Variants in TBC1D16 observed in about 807,000 individuals in gnomAD.
The protein encoded by TBC1D16 is CTD-2529O21.1.
TBC1D16 carries 58 observed loss-of-function variants against 74.7 expected under a neutral mutation model. The ratio of observed to expected loss-of-function variants is 0.78; its 90% CI spans 0.63 to 0.97. The LOEUF is 0.97. Among genes scored for constraint, TBC1D16 ranks in the 50% least tolerant of loss-of-function variants. The pLI, the probability that TBC1D16 is intolerant of heterozygous loss-of-function variation, is 0.00. For synonymous variants in TBC1D16, 493 were observed against 474.7 expected (o/e 1.04, Z -0.50); for missense variants, 1,014 against 1,079.5 (o/e 0.94, Z 0.85).
At chr17:79,951,058 A>T (rs965981915) in intron 5 of TBC1D16, among the ~76,000 whole-genome samples, 1 of 152,242 alleles carries the variant, frequency 6.6e-6, no homozygotes. Context: ...GGGGAAAAAA[A>T]GCCATGCTAC....
At chr17:79,995,850 A>G (rs181728883) in intron 3 of TBC1D16, among the ~76,000 whole-genome samples, 2 of 152,336 alleles carry the variant, frequency 1.3e-5, no homozygotes, top group African/African-American at 2.4e-5. Context: ...TGAGCTTGAC[A>G]TGAAAAGTAT....
In TBC1D16 at chr17:79,940,852, G is replaced by A. The variant is rs1271645542; in HGVS notation, c.*7C>T. On this transcript the variant is annotated 3_prime_UTR_variant, in exon 12 of 12. Transcript: ENST00000310924. This position sits in a 1 kb window ranked among gnomAD's most constrained non-coding sequence, Gnocchi z 5.4. ...CCTCAACCCCTGTCCGGTGTCGGGG[G>A]CCCGACCTATCTGCGGAAGCCGAAG... 6 of 1,531,518 alleles carry A rather than the reference G, an allele frequency of 3.9e-6. 1 individual carries two copies. The South Asian group carries it at 6.3e-5, about 16-fold the overall frequency. 94.9% of individuals were successfully genotyped at this position (1,531,518 alleles called of 1,614,324 possible). A position where few individuals can be genotyped will look rare whatever the true frequency, so the allele number is the denominator to read the frequency against.
rs189449468 is a variant in TBC1D16 at position 79,990,465 on chromosome 17, C to A, written c.779+19695G>T. 4.6e-4 allele frequency among the ~76,000 whole-genome samples: 70 copies of A among 152,362 alleles called. 1 individual carries two copies. In the East Asian group the frequency reaches 0.013, roughly 28 times the overall value. ...CAATTGCTGGGGTGGGGACAACCTA[C>A]ACAGGCTTACAGACCTAATCCAAGA... On this transcript the variant is annotated intron_variant, in intron 3 of 11. Coordinates refer to ENST00000310924, the MANE Select transcript of TBC1D16 (RefSeq NM_019020.4). The surrounding 1 kb of genome is among the most constrained non-coding windows in gnomAD (Gnocchi z 4.8).
intron 3 of TBC1D16, among the ~76,000 whole-genome samples, chr17:79,991,698 GGGGGT>G (rs1321699665): frequency 4.7e-4 from 71 of 150,732 alleles, no homozygotes; most frequent in South Asian, 2.3e-3. Flanking sequence ...ACAGGCAGGT[GGGGGT>G]GGGGCGGGGC....
At chr17:80,023,890 C>T (rs11657500) in intron 1 of TBC1D16, 130,737 of 149,122 alleles carry the variant, frequency 0.88, 57,940 homozygotes, top group African/African-American at 0.95. Context: ...CTCCACGGAG[C>T]CCTCCAGCCA....
At position 79,951,589 on chromosome 17, in the gene TBC1D16, G is replaced by C; in HGVS notation, c.950C>G (p.Ala317Gly). Reference protein sequence around the residue: ...RSLRLFFSDEACTSGQLVVAS... With the variant: ...RSLRLFFSDEGCTSGQLVVAS... Reference sequence around the variant, plus strand: ...AACGACCAGCTGGCCGCTGGTGCAGGCCTCGTCGCTGAAGGGCCATTGGAA... The same window carrying C: ...AACGACCAGCTGGCCGCTGGTGCAGCCCTCGTCGCTGAAGGGCCATTGGAA... Residue 317 changes from alanine to glycine, a missense_variant, in exon 5 of 12, where the codon GCC (alanine) becomes GGC (glycine). By Grantham distance (60) the Ala-to-Gly change is moderately conservative. Coordinates refer to ENST00000310924, the MANE Select transcript of TBC1D16 (RefSeq NM_019020.4). 1 of 1,613,458 alleles carries C rather than the reference G, an allele frequency of 6.2e-7. No individual in the cohort carries two copies.
At chr17:80,024,826 G>T (rs1039125133) in intron 1 of TBC1D16, among the ~76,000 whole-genome samples, 11 of 133,924 alleles carry the variant, frequency 8.2e-5, no homozygotes, top group Non-Finnish European at 1.2e-4. Context: ...ATAGACACAC[G>T]CACTACATAC....
At chr17:80,005,358 G>A (rs377306198) in intron 3 of TBC1D16, among the ~76,000 whole-genome samples, 4 of 152,340 alleles carry the variant, frequency 2.6e-5, no homozygotes, top group African/African-American at 4.8e-5. Context: ...CAGTGGACAC[G>A]GTACCAGCCC....
At chr17:79,977,497 T>C (rs577792120) in intron 3 of TBC1D16, among the ~76,000 whole-genome samples, 1 of 152,376 alleles carries the variant, frequency 6.6e-6, no homozygotes, top group South Asian at 2.1e-4. Flanking sequence ...CAGCCATCTC[T>C]GCAACCCTTG....
Position 80,000,772 on chromosome 17 carries a change from A to G in TBC1D16, c.779+9388T>C, listed in dbSNP as rs1040287762. Among the ~76,000 whole-genome samples the G allele has an allele frequency of 3.3e-5, 5 of 152,104 alleles. No individual in the cohort carries two copies. The highest frequency in any genetic ancestry group is 1.2e-4 in the African/African-American group (5 of 41,396). The stretch of plus-strand genomic sequence containing the variant: ...ATGCCCCCACTTCACAGAGGAGTAA[A>G]CTGAGGTACAGAGTGGTTCAACACC... On this transcript the variant is annotated intron_variant, in intron 3 of 11. Transcript: ENST00000310924. The surrounding 1 kb of genome is among the most constrained non-coding windows in gnomAD (Gnocchi z 4.1).
At chr17:79,951,632 G>A (rs748923961) in intron 4 of TBC1D16, 35 bp from the exon 5 acceptor site, 3 of 1,601,732 alleles carry the variant, frequency 1.9e-6, no homozygotes, top group Non-Finnish European at 2.6e-6. Flanking sequence ...AGGGAAGCCC[G>A]ATGAATATGT....
chr17:79,992,941 G>A (rs1252007997), intron 3 of TBC1D16: 1 of 152,308 alleles, frequency 6.6e-6, no homozygotes, highest in Non-Finnish European at 1.5e-5. Flanking sequence ...GTAACCCCTG[G>A]GGCTGGTCTC....
chr17:79,960,447 G>A (rs1367552667), intron 3 of TBC1D16, among the ~76,000 whole-genome samples: 1 of 151,954 alleles, frequency 6.6e-6, no homozygotes, highest in East Asian at 1.9e-4. Flanking sequence ...ACATCTATTG[G>A]AATGACTAAA....
chr17:79,975,458 T>C lies in TBC1D16; in HGVS notation c.780-22640A>G, dbSNP rs972314012. 2.0e-5 allele frequency among the ~76,000 whole-genome samples: 3 copies of C among 152,178 alleles called. No individual in the cohort carries two copies. Among genetic ancestry groups the C allele is most frequent in the African/African-American group, 7.2e-5 (3 of 41,438 alleles). On this transcript the variant is annotated intron_variant, in intron 3 of 11. Coordinates refer to ENST00000310924, the MANE Select transcript of TBC1D16 (RefSeq NM_019020.4). This position sits in a 1 kb window ranked among gnomAD's most constrained non-coding sequence, Gnocchi z 4.5. ...GCTGCTGAGAGCCAGCCAGGTGTTC[T>C]TTAAGCCCCTGTGAAGATTCCTTGA... is the stretch of plus-strand genomic sequence containing the variant.
rs760373149 is a variant in TBC1D16, at chr17:79,947,729, T to C, written c.1644A>G (p.Ser548=). ...AACCCACAAAGCACCAGAAGGTGTCTGACTCATCCAGGACCTCGGCCAAGA... is the reference window on the plus strand; with the variant it reads ...AACCCACAAAGCACCAGAAGGTGTCCGACTCATCCAGGACCTCGGCCAAGA... ...APILAEVLDE[S]DTFWCFVGLM... Residue 548 remains serine, a synonymous_variant, in exon 9 of 12, where the codon TCA becomes TCG. Coordinates refer to ENST00000310924, the MANE Select transcript of TBC1D16 (RefSeq NM_019020.4). 1 of 1,614,084 alleles carries C rather than the reference T, an allele frequency of 6.2e-7. No homozygotes were observed. Among genetic ancestry groups the C allele is most frequent in the African/African-American group, 1.3e-5 (1 of 75,064 alleles).
Position 79,987,199 on chromosome 17 carries a change from G to GGTCT in TBC1D16, c.779+22957_779+22960dup, listed in dbSNP as rs2034874644. On this transcript the variant is annotated intron_variant, in intron 3 of 11. Coordinates refer to ENST00000310924, the MANE Select transcript of TBC1D16 (RefSeq NM_019020.4). The surrounding 1 kb of genome is among the most constrained non-coding windows in gnomAD (Gnocchi z 5.2). ...GGAGAAAATTGTTCCAGAGCGTCTCGGTCTGGGTGGGAGCGGGGAATAAGC... is the reference window on the plus strand; with the variant it reads ...GGAGAAAATTGTTCCAGAGCGTCTCGGTCTGTCTGGGTGGGAGCGGGGAATAAGC... Among the ~76,000 whole-genome samples, 1 of 151,970 alleles carries GGTCT rather than the reference G, an allele frequency of 6.6e-6. No individual in the cohort carries two copies. The highest frequency in any genetic ancestry group is 2.4e-5 in the African/African-American group (1 of 41,374).
In TBC1D16 at chr17:79,941,982, C is replaced by T. The variant is rs1168624812; in HGVS notation, c.2055+78G>A. 7.8e-6 allele frequency: 11 copies of T among 1,413,414 alleles called. No homozygotes were observed. The highest frequency in any genetic ancestry group is 1.0e-5 in the Non-Finnish European group (11 of 1,049,298). 87.6% of individuals were successfully genotyped at this position (1,413,414 alleles called of 1,614,324 possible). A position where few individuals can be genotyped will look rare whatever the true frequency, so the allele number is the denominator to read the frequency against. On this transcript the variant is annotated intron_variant, in intron 11 of 11. Coordinates refer to ENST00000310924, the MANE Select transcript of TBC1D16 (RefSeq NM_019020.4). This position sits in a 1 kb window ranked among gnomAD's most constrained non-coding sequence, Gnocchi z 4.3. Reference sequence around the variant, plus strand: ...GCGGGGCCCACATCTGGGGCAGCCTCACCTTTCTGAGAACGAGCTGGTGGG... The same window carrying T: ...GCGGGGCCCACATCTGGGGCAGCCTTACCTTTCTGAGAACGAGCTGGTGGG...
At chr17:80,013,266 C>A in intron 2 of TBC1D16, 101 bp downstream of exon 2, 1 of 1,155,134 alleles carries the variant, frequency 8.7e-7, no homozygotes, top group Non-Finnish European at 1.2e-6. Flanking sequence ...GGAAGAGGAA[C>A]CAAATGCACT....
rs1356543505 is a variant in TBC1D16, at chr17:80,025,361, C to A, written c.-63+10434G>T. Among the ~76,000 whole-genome samples the A allele has an allele frequency of 4.0e-5, 6 of 150,072 alleles. 2 individuals are homozygous for A. The highest frequency in any genetic ancestry group is 1.5e-4 in the African/African-American group (6 of 39,454). ...CCAGGCGGATCCGGGGCCGCAGGAG[C>A]CTCCCTACCCAGCCCCCATGCTGGT... is the stretch of plus-strand genomic sequence containing the variant. On this transcript the variant is annotated intron_variant, in intron 1 of 11. Coordinates refer to ENST00000310924, the MANE Select transcript of TBC1D16 (RefSeq NM_019020.4).
Sources: gnomAD v4.1 joint callset for allele counts (sites outside exome capture counted in the v4.1 genomes callset) on GRCh38, gnomAD v4.1.1 for gene constraint, Gnocchi (gnomAD v3.1) non-coding constraint, MANE v1.5 for transcripts, NCBI Gene and HGNC (gene_info 2026-07-23, HGNC 2026-07-21) for gene names.